DGKB: variants seen among roughly 807,000 people sequenced by gnomAD.
The protein encoded by DGKB is 90 kDa diacylglycerol kinase.
DGKB carries 67 observed loss-of-function variants against 114.3 expected under a neutral mutation model. The observed-to-expected ratio is 0.59, with a 90% CI of 0.48 to 0.72. The LOEUF is 0.72. DGKB is among the 30% of genes least tolerant of loss of function. The probability of loss-of-function intolerance (pLI) is 0.00; values close to 1 mark genes in which losing one functional copy is unlikely to be tolerated. For missense variants in DGKB, 907 were observed against 975.2 expected (o/e 0.93, Z 0.93); for synonymous variants, 398 against 323.1 (o/e 1.23, Z -2.49).
chr7:14,883,826 T>C (rs184824911), intron 1 of DGKB, among the ~76,000 whole-genome samples: 2 of 152,142 alleles, frequency 1.3e-5, no homozygotes, highest in East Asian at 1.9e-4. Context: ...GAAGCACATA[T>C]ACATTTTTTT....
intron 1 of DGKB, among the ~76,000 whole-genome samples, chr7:14,929,764 A>G (rs571530590): frequency 6.6e-6 from 1 of 152,030 alleles, no homozygotes; most frequent in East Asian, 1.9e-4. Flanking sequence ...TGTTGCCTAT[A>G]ATTTTGAGGT....
intron 1 of DGKB, among the ~76,000 whole-genome samples, chr7:14,878,398 C>A (rs1392498220): frequency 6.6e-6 from 1 of 152,104 alleles, no homozygotes; most frequent in Non-Finnish European, 1.5e-5. Flanking sequence ...CTCCATAATT[C>A]GAAAGTAGGT....
At chr7:14,611,294 G>A (rs1163531587) in intron 16 of DGKB, among the ~76,000 whole-genome samples, 2 of 152,102 alleles carry the variant, frequency 1.3e-5, no homozygotes, top group East Asian at 3.9e-4. Flanking sequence ...TGTGTATTAT[G>A]CCTCTTATTC....
intron 1 of DGKB, among the ~76,000 whole-genome samples, chr7:14,923,501 C>A (rs1784607013): frequency 6.6e-6 from 1 of 152,162 alleles, no homozygotes; most frequent in Non-Finnish European, 1.5e-5. Context: ...AGTTAGAAGA[C>A]AAATTATCTA....
intron 25 of DGKB, among the ~76,000 whole-genome samples, chr7:14,170,177 G>GA (rs1317407402): frequency 6.8e-6 from 1 of 146,136 alleles, no homozygotes; most frequent in Non-Finnish European, 1.5e-5. Flanking sequence ...AAGAAAGAAA[G>GA]AAAGAAAGAA....
chr7:14,790,798 C>T (rs1424819826), intron 2 of DGKB, among the ~76,000 whole-genome samples: 1 of 151,912 alleles, frequency 6.6e-6, no homozygotes, highest in Non-Finnish European at 1.5e-5. Flanking sequence ...GTTCTTTTGC[C>T]TTTTTAGCAT....
intron 23 of DGKB, among the ~76,000 whole-genome samples, chr7:14,291,648 A>C (rs181657202): frequency 6.6e-6 from 1 of 152,186 alleles, no homozygotes; most frequent in East Asian, 1.9e-4. Flanking sequence ...AAATTTTTCA[A>C]TGTAATCACT....
rs527305281 is a variant in DGKB at position 14,849,732 on chromosome 7, A to T, written c.-187-8282T>A. On this transcript the variant is annotated intron_variant, in intron 1 of 25. Coordinates refer to ENST00000402815, the MANE Select transcript of DGKB (RefSeq NM_001350709.2). ...ACCTAATGTTATCCTCCAAATCTCCATTCTCCTCCAGTGCCTCACACTGAC... is the reference window on the plus strand; with the variant it reads ...ACCTAATGTTATCCTCCAAATCTCCTTTCTCCTCCAGTGCCTCACACTGAC... Among the ~76,000 whole-genome samples, 9 of 152,248 alleles carry T rather than the reference A, an allele frequency of 5.9e-5. No individual in the cohort carries two copies. The South Asian group carries it at 1.9e-3, about 32-fold the overall frequency.
intron 23 of DGKB, among the ~76,000 whole-genome samples, chr7:14,263,077 T>G (rs145475828): frequency 1.3e-5 from 2 of 152,236 alleles, no homozygotes; most frequent in African/African-American, 2.4e-5. Flanking sequence ...CATTAAGAAT[T>G]GGAATAAACA....
intron 1 of DGKB, among the ~76,000 whole-genome samples, chr7:14,864,794 C>T (rs186627582): frequency 6.4e-5 from 9 of 141,620 alleles, no homozygotes; most frequent in African/African-American, 2.4e-4. Flanking sequence ...GAGATGATGA[C>T]AAAAAAAAAA....
At chr7:14,645,166 C>G (rs1015703165) in intron 13 of DGKB, among the ~76,000 whole-genome samples, 1 of 152,062 alleles carries the variant, frequency 6.6e-6, no homozygotes, top group Admixed American at 6.6e-5. Flanking sequence ...CATAAAAACC[C>G]CAGACTCAGA....
intron 1 of DGKB, among the ~76,000 whole-genome samples, chr7:14,849,368 C>T (rs1343176699): frequency 1.3e-5 from 2 of 151,998 alleles, no homozygotes; most frequent in Admixed American, 6.6e-5. Context: ...CAAGTGGGAC[C>T]TTTGAGGGGT....
chr7:14,692,185 T>A (rs1204301477), intron 9 of DGKB, among the ~76,000 whole-genome samples: 4 of 151,698 alleles, frequency 2.6e-5, no homozygotes, highest in Admixed American at 2.0e-4. Context: ...CCAAAAAAAA[T>A]CATCATTTCA....
intron 1 of DGKB, among the ~76,000 whole-genome samples, chr7:14,940,040 T>C (rs1785487074): frequency 6.6e-6 from 1 of 152,138 alleles, no homozygotes; most frequent in Non-Finnish European, 1.5e-5. Flanking sequence ...CAGGCCAGAG[T>C]AAAATTTCCC....
chr7:14,496,882 A>C (rs1428532604), intron 20 of DGKB, among the ~76,000 whole-genome samples: 1 of 151,862 alleles, frequency 6.6e-6, no homozygotes, highest in Non-Finnish European at 1.5e-5. Context: ...ACAGCTAATA[A>C]GGATATATTT....
intron 1 of DGKB, among the ~76,000 whole-genome samples, chr7:14,865,613 G>A (rs997890141): frequency 6.6e-6 from 1 of 152,188 alleles, no homozygotes; most frequent in Middle Eastern, 3.2e-3. Context: ...TGCCTAAAAT[G>A]GTTCCTGTAT....
intron 23 of DGKB, among the ~76,000 whole-genome samples, chr7:14,334,221 G>A (rs1238982846): frequency 6.6e-6 from 1 of 152,052 alleles, no homozygotes; most frequent in Non-Finnish European, 1.5e-5. Flanking sequence ...ATGCACTGTG[G>A]TGGTATTTGC....
At chr7:14,674,645 T>A (rs1819549601) in intron 12 of DGKB, among the ~76,000 whole-genome samples, 2 of 152,076 alleles carry the variant, frequency 1.3e-5, no homozygotes, top group African/African-American at 4.8e-5. Context: ...TTGGTTTAGC[T>A]GGACCCTAAT....
intron 2 of DGKB, among the ~76,000 whole-genome samples, chr7:14,827,350 G>C (rs887966959): frequency 6.6e-6 from 1 of 152,064 alleles, no homozygotes; most frequent in Non-Finnish European, 1.5e-5. Context: ...GAAAGTTTCA[G>C]AAGCCTCTTC....
Sources: gnomAD v4.1 joint callset for allele counts (sites outside exome capture counted in the v4.1 genomes callset) on GRCh38, gnomAD v4.1.1 for gene constraint, MANE v1.5 for transcripts, NCBI Gene and HGNC (gene_info 2026-07-23, HGNC 2026-07-21) for gene names.